Variants in FTO observed in about 807,000 individuals in gnomAD.
FTO encodes FTO alpha-ketoglutarate dependent dioxygenase, also known as alpha-ketoglutarate-dependent dioxygenase FTO.
A neutral mutation model predicts 63.9 loss-of-function variants in FTO; 47 were observed. The observed-to-expected ratio is 0.74, with a 90% CI of 0.58 to 0.94. FTO has a LOEUF of 0.94. Among genes scored for constraint, FTO ranks in the 40% least tolerant of loss-of-function variants. The probability of loss-of-function intolerance (pLI) is 0.00; values close to 1 mark genes in which losing one functional copy is unlikely to be tolerated. For missense variants in FTO, 562 were observed against 618.1 expected (o/e 0.91, Z 0.96); for synonymous variants, 207 against 224.4 (o/e 0.92, Z 0.69).
At chr16:53,956,148 A>G (rs1228740656) in intron 8 of FTO, among the ~76,000 whole-genome samples, 2 of 152,206 alleles carry the variant, frequency 1.3e-5, no homozygotes, top group Admixed American at 6.5e-5. Flanking sequence ...AGTTAAAGAT[A>G]ACTATTGACA....
intron 8 of FTO, among the ~76,000 whole-genome samples, chr16:54,061,398 G>A (rs2085567241): frequency 6.6e-6 from 1 of 152,144 alleles, no homozygotes. Flanking sequence ...ATCAAACCAT[G>A]TCAGCCTCTG....
At chr16:54,013,835 G>C (rs1470011890) in intron 8 of FTO, among the ~76,000 whole-genome samples, 1 of 152,100 alleles carries the variant, frequency 6.6e-6, no homozygotes, top group African/African-American at 2.4e-5. Flanking sequence ...ATATGCACTG[G>C]GAAGCCAAAA....
At chr16:54,100,413 C>T (rs1320374036) in intron 8 of FTO, among the ~76,000 whole-genome samples, 1 of 152,150 alleles carries the variant, frequency 6.6e-6, no homozygotes, top group Non-Finnish European at 1.5e-5. Flanking sequence ...AGTGCAGTGG[C>T]ACAATCACGG....
At chr16:54,109,249 G>A (rs2086822905) in intron 8 of FTO, among the ~76,000 whole-genome samples, 1 of 152,236 alleles carries the variant, frequency 6.6e-6, no homozygotes, top group Non-Finnish European at 1.5e-5. Context: ...TGGCCCAGAT[G>A]GATGCAGTGA....
At chr16:53,974,165 C>T (rs545758793) in intron 8 of FTO, among the ~76,000 whole-genome samples, 19 of 152,202 alleles carry the variant, frequency 1.2e-4, no homozygotes, top group Middle Eastern at 3.4e-3. Flanking sequence ...TGCCGACTTG[C>T]GGTGAGACCT....
intron 7 of FTO, among the ~76,000 whole-genome samples, chr16:53,890,880 A>G (rs1426023494): frequency 6.6e-6 from 1 of 152,186 alleles, no homozygotes; most frequent in Non-Finnish European, 1.5e-5. Flanking sequence ...TATGAGTTAG[A>G]ACCTCTTAAC....
intron 8 of FTO, among the ~76,000 whole-genome samples, chr16:53,938,251 A>G (rs557147960): frequency 3.9e-4 from 60 of 152,380 alleles, no homozygotes; most frequent in African/African-American, 1.3e-3. Flanking sequence ...AAGAAAGCAC[A>G]TAATGTTAAC....
At chr16:53,744,831 C>CA (rs893862412) in intron 1 of FTO, among the ~76,000 whole-genome samples, 1 of 70,530 alleles carries the variant, frequency 1.4e-5, no homozygotes, top group Non-Finnish European at 2.8e-5. Flanking sequence ...TTCTTCCCCC[C>CA]CCCCATATAT....
intron 1 of FTO, among the ~76,000 whole-genome samples, chr16:53,731,934 C>G (rs1367527307): frequency 1.3e-5 from 2 of 151,614 alleles, no homozygotes. Flanking sequence ...CCATGTTGGC[C>G]CGGCTGGTCT....
chr16:53,829,128 G>A (rs936185170), intron 3 of FTO, among the ~76,000 whole-genome samples: 1 of 152,204 alleles, frequency 6.6e-6, no homozygotes, highest in Admixed American at 6.5e-5. Flanking sequence ...CTGACCTCGT[G>A]ATCTGCATGC....
At chr16:53,904,492 T>C (rs1288924428) in intron 7 of FTO, among the ~76,000 whole-genome samples, 1 of 152,242 alleles carries the variant, frequency 6.6e-6, no homozygotes, top group Non-Finnish European at 1.5e-5. Flanking sequence ...TCTTTCACCA[T>C]GGACTTGTGC....
rs556889859 is a variant in FTO at position 54,091,438 on chromosome 16, G to C, written c.1365-20324G>C. Among the ~76,000 whole-genome samples, 753 of 152,240 alleles carry C rather than the reference G, an allele frequency of 4.9e-3. 9 individuals carry two copies. Among genetic ancestry groups the C allele is most frequent in the African/African-American group, 0.017 (707 of 41,546 alleles). Reference sequence around the variant, plus strand: ...ACCTGTAGTCCTAGCAACTCAGGAGGCTGAGTTGGGAGGATCACTTGAGCT... The same window carrying C: ...ACCTGTAGTCCTAGCAACTCAGGAGCCTGAGTTGGGAGGATCACTTGAGCT... On this transcript the variant is annotated intron_variant, in intron 8 of 8. Coordinates refer to ENST00000471389, the MANE Select transcript of FTO (RefSeq NM_001080432.3).
intron 8 of FTO, among the ~76,000 whole-genome samples, chr16:54,060,882 A>C (rs1273309704): frequency 2.0e-5 from 3 of 152,214 alleles, no homozygotes; most frequent in Admixed American, 6.5e-5. Flanking sequence ...TATCCTTCCC[A>C]GACATAAATC....
chr16:53,855,032 A>ATTTTTTTT (rs150118790), intron 4 of FTO, among the ~76,000 whole-genome samples: 1 of 149,786 alleles, frequency 6.7e-6, no homozygotes. Context: ...GTACTTTATT[A>ATTTTTTTT]TTATTATTTT....
chr16:53,909,981 G>A (rs1357522618), intron 7 of FTO, among the ~76,000 whole-genome samples: 3 of 152,018 alleles, frequency 2.0e-5, no homozygotes, highest in Non-Finnish European at 4.4e-5. Flanking sequence ...GGGCTCAAGC[G>A]CTCCTCCTGC....
chr16:53,812,225 C>A (rs2078549411), intron 2 of FTO, among the ~76,000 whole-genome samples: 1 of 152,054 alleles, frequency 6.6e-6, no homozygotes, highest in Admixed American at 6.6e-5. Flanking sequence ...GTCTCTGCTT[C>A]CTCTCATACT....
At chr16:53,937,625 C>A (rs2082421302) in intron 8 of FTO, 1 of 183,492 alleles carries the variant, frequency 5.4e-6, no homozygotes, top group South Asian at 2.0e-4. Context: ...GAGGGTGGGG[C>A]CCGGCGTATT....
chr16:54,103,578 A>G (rs1317591291), intron 8 of FTO, among the ~76,000 whole-genome samples: 1 of 152,184 alleles, frequency 6.6e-6, no homozygotes, highest in Non-Finnish European at 1.5e-5. Context: ...GTCAAAACTC[A>G]TTTAGGAATT....
intron 8 of FTO, chr16:54,070,101 A>G (rs1351534044): frequency 1.3e-5 from 2 of 152,118 alleles, no homozygotes; most frequent in African/African-American, 2.4e-5. Flanking sequence ...GTAAGCAATC[A>G]ATACGTGTTA....
Sources: allele counts gnomAD v4.1 joint callset (sites outside exome capture counted in the v4.1 genomes callset), GRCh38; gene constraint gnomAD v4.1.1; transcripts MANE v1.5; gene names NCBI Gene and HGNC (gene_info 2026-07-23, HGNC 2026-07-21).